PLPP1: variants seen among roughly 807,000 people sequenced by gnomAD.
The protein encoded by PLPP1 is phospholipid phosphatase 1.
PLPP1 carries 24 observed loss-of-function variants against 31.2 expected under a neutral mutation model. The ratio of observed to expected loss-of-function variants is 0.77; its 90% CI spans 0.56 to 1.08. The LOEUF (loss-of-function observed/expected upper bound fraction) is 1.08, where lower values mean the gene tolerates loss of function less well. Among genes scored for constraint, PLPP1 ranks in the 50% least tolerant of loss-of-function variants. PLPP1 has a pLI of 0.00. For synonymous variants in PLPP1, 146 were observed against 126.3 expected (o/e 1.16, Z -1.05); for missense variants, 319 against 342.7 (o/e 0.93, Z 0.55).
chr5:55,510,804 G>A (rs1753388802), intron 1 of PLPP1, among the ~76,000 whole-genome samples: 1 of 152,076 alleles, frequency 6.6e-6, no homozygotes, highest in South Asian at 2.1e-4. Context: ...GGGAGCTTGG[G>A]CAAATTACTT....
At chr5:55,529,509 T>C (rs544459138) in intron 1 of PLPP1, among the ~76,000 whole-genome samples, 2 of 152,276 alleles carry the variant, frequency 1.3e-5, no homozygotes, top group East Asian at 3.8e-4. Context: ...CAAATGCCCA[T>C]GAAAGAAATA....
intron 1 of PLPP1, among the ~76,000 whole-genome samples, chr5:55,511,531 G>A (rs1394927679): frequency 2.0e-5 from 3 of 151,522 alleles, no homozygotes; most frequent in Non-Finnish European, 4.4e-5. Flanking sequence ...AAAAGCACTG[G>A]AAAGATAAGC....
chr5:55,497,068 C>A (rs957434541), intron 1 of PLPP1, among the ~76,000 whole-genome samples: 9 of 152,200 alleles, frequency 5.9e-5, no homozygotes, highest in African/African-American at 2.2e-4. Flanking sequence ...CCTCAATTTT[C>A]TCTAAAGATC....
chr5:55,502,486 CAAA>C (rs112915753), intron 1 of PLPP1, among the ~76,000 whole-genome samples: 3 of 101,000 alleles, frequency 3.0e-5, no homozygotes, highest in Non-Finnish European at 2.1e-5. Context: ...GACTCCGTCT[CAAA>C]AAAAAAAAAA....
chr5:55,438,264 A>G (rs910330799), intron 4 of PLPP1, among the ~76,000 whole-genome samples: 3 of 152,238 alleles, frequency 2.0e-5, no homozygotes, highest in African/African-American at 7.2e-5. Flanking sequence ...GTCACTAAGC[A>G]TATAAACTGG....
intron 1 of PLPP1, among the ~76,000 whole-genome samples, chr5:55,502,424 T>C (rs891554662): frequency 6.6e-6 from 1 of 151,846 alleles, no homozygotes; most frequent in South Asian, 2.1e-4. Context: ...GAGGTGGAGG[T>C]TGCAGTGAGC....
intron 3 of PLPP1, among the ~76,000 whole-genome samples, chr5:55,463,400 G>A (rs1474596834): frequency 7.2e-5 from 11 of 152,080 alleles, no homozygotes; most frequent in African/African-American, 1.9e-4. Context: ...GGTGGCTCAC[G>A]CGTGTAACCC....
rs749268918 is a variant in PLPP1, at chr5:55,475,405, T to C, written c.104A>G (p.Gln35Arg). Residue 35 changes from glutamine (Q) to arginine (R), a missense_variant, in exon 2 of 6, where the codon CAA becomes CGA. Transcript: ENST00000307259. Reference sequence around the variant, plus strand: ...CTCATCATTACAGAATACTCCTCGTTGGAAGGGGGTATGCCTTGAAGTAAG... The same window carrying C: ...CTCATCATTACAGAATACTCCTCGTCGGAAGGGGGTATGCCTTGAAGTAAG... ...AILTSRHTPF[Q>R]RGVFCNDESI... 5 of 1,612,764 alleles carry C rather than the reference T, an allele frequency of 3.1e-6. No individual in the cohort carries two copies. The highest frequency in any genetic ancestry group is 4.2e-6 in the Non-Finnish European group (5 of 1,179,316).
intron 1 of PLPP1, among the ~76,000 whole-genome samples, chr5:55,487,854 C>T (rs368608105): frequency 7.2e-4 from 110 of 152,240 alleles, no homozygotes; most frequent in African/African-American, 2.6e-3. Flanking sequence ...TTAGGTCGGG[C>T]GTGGTGGCTC....
intron 1 of PLPP1, among the ~76,000 whole-genome samples, chr5:55,502,482 G>A (rs934410649): frequency 4.8e-5 from 7 of 146,120 alleles, no homozygotes; most frequent in South Asian, 2.1e-4. Context: ...GTGAGACTCC[G>A]TCTCAAAAAA....
chr5:55,530,735 G>A, intron 1 of PLPP1: 2 of 1,573,570 alleles, frequency 1.3e-6, no homozygotes, highest in Non-Finnish European at 1.7e-6. Context: ...AGGGGACAAT[G>A]TGCTCCGCTT....
intron 1 of PLPP1, chr5:55,530,660 T>C (rs1740630132): frequency 6.3e-7 from 1 of 1,598,680 alleles, no homozygotes. Context: ...ACTTCCTCAT[T>C]ATATTTTCAA....
chr5:55,481,942 T>C (rs978099837), intron 1 of PLPP1, among the ~76,000 whole-genome samples: 3 of 151,262 alleles, frequency 2.0e-5, no homozygotes, highest in East Asian at 1.9e-4. Context: ...ACAATTCTAA[T>C]AGACGTTTCC....
At chr5:55,483,170 TTTC>T (rs1278992507) in intron 1 of PLPP1, among the ~76,000 whole-genome samples, 1 of 152,150 alleles carries the variant, frequency 6.6e-6, no homozygotes, top group African/African-American at 2.4e-5. Flanking sequence ...ATAAAAAATA[TTTC>T]TTAATATTTC....
chr5:55,510,724 C>G (rs1266974721), intron 1 of PLPP1, among the ~76,000 whole-genome samples: 2 of 141,326 alleles, frequency 1.4e-5, no homozygotes, highest in Non-Finnish European at 3.2e-5. Flanking sequence ...GGGTGGAGTA[C>G]TGGACAGAGT....
Position 55,479,571 on chromosome 5 carries a change from TGAA to T in PLPP1, c.59-4124_59-4122del, listed in dbSNP as rs951618263. ...TGAGCCATGTACAAGGAAGACTGGC[TGAA>T]GAAGAAGCTGAGAACAAAGCAGGTC... On this transcript the variant is annotated intron_variant, in intron 1 of 5. Transcript: ENST00000307259. Among the ~76,000 whole-genome samples, 29 of 152,290 alleles carry T rather than the reference TGAA, an allele frequency of 1.9e-4. No homozygotes were observed. In the Middle Eastern group the frequency reaches 0.01, roughly 54 times the overall value.
chr5:55,426,490 C>G (rs1431882964), intron 4 of PLPP1, among the ~76,000 whole-genome samples: 2 of 151,612 alleles, frequency 1.3e-5, no homozygotes, highest in African/African-American at 4.9e-5. Flanking sequence ...CAGCCTCAAA[C>G]TCCTGGGCTC....
At chr5:55,515,624 C>CT (rs1753540242) in intron 1 of PLPP1, among the ~76,000 whole-genome samples, 1 of 152,124 alleles carries the variant, frequency 6.6e-6, no homozygotes, top group South Asian at 2.1e-4. Context: ...AATGGACACT[C>CT]TCCAGTCTTT....
At chr5:55,437,408 G>A (rs1261166765) in intron 4 of PLPP1, among the ~76,000 whole-genome samples, 1 of 150,898 alleles carries the variant, frequency 6.6e-6, no homozygotes, top group Non-Finnish European at 1.5e-5. Context: ...TTTTAAACTA[G>A]AGTCAAGGGG....
Sources: allele counts gnomAD v4.1 joint callset (sites outside exome capture counted in the v4.1 genomes callset), GRCh38; gene constraint gnomAD v4.1.1; transcripts MANE v1.5; gene names NCBI Gene and HGNC (gene_info 2026-07-23, HGNC 2026-07-21).